Variants in DCHS1 observed in about 807,000 individuals in gnomAD.
The protein encoded by DCHS1 is protocadherin-16.
A neutral mutation model predicts 213.9 loss-of-function variants in DCHS1; 78 were observed. The ratio of observed to expected loss-of-function variants is 0.36; its 90% CI spans 0.30 to 0.44. The LOEUF is 0.44. Ranked by LOEUF, DCHS1 falls within the 20% of genes least tolerant of loss-of-function variation. DCHS1 has a pLI of 1.00. For missense variants in DCHS1, 3,946 were observed against 4,395.9 expected (o/e 0.90, Z 2.89); for synonymous variants, 1,828 against 1,873.7 (o/e 0.98, Z 0.63).
At position 6,631,936 on chromosome 11, in the gene DCHS1, G is replaced by A. The variant is rs145239157; in HGVS notation, c.3481+95C>T. On this transcript the variant is annotated intron_variant, in intron 6 of 20. Transcript: ENST00000299441. Reference sequence around the variant, plus strand: ...CAGGGCTAAATCCTCATTCTCAGGGGCGAGATGGGAGCTGGGGGTTGGGGA... The same window carrying A: ...CAGGGCTAAATCCTCATTCTCAGGGACGAGATGGGAGCTGGGGGTTGGGGA... 633 of 1,449,696 alleles carry A rather than the reference G, an allele frequency of 4.4e-4. No homozygotes were observed. In the African/African-American group the frequency reaches 7.5e-3, roughly 17 times the overall value. 89.8% of individuals were successfully genotyped at this position (1,449,696 alleles called of 1,614,324 possible).
chr11:6,622,829 C>A lies in DCHS1; in HGVS notation c.8847G>T (p.Val2949=). The A allele has an allele frequency of 6.3e-7, 1 of 1,594,844 alleles. No individual in the cohort carries two copies. The highest frequency in any genetic ancestry group is 2.3e-5 in the East Asian group (1 of 43,710). ...GGACCAGGGCTGCCAGTGCAAGCAC[C>A]ACCACAACTCCCAAGGAGGCTGCCA... The part of the protein sequence containing the change: ...GAVAASLGVV[V]VLALAALVLG... Residue 2949 remains valine, a synonymous_variant, in exon 21 of 21, where the codon GTG becomes GTT. Transcript: ENST00000299441. The surrounding 1 kb of genome is among the most constrained non-coding windows in gnomAD (Gnocchi z 5.4).
In DCHS1 at chr11:6,630,800, G is replaced by A; in HGVS notation, c.3994C>T (p.Pro1332Ser). Residue 1332 changes from proline to serine, a missense_variant, in exon 10 of 21, where the codon CCA becomes TCA. Physicochemically the swap from Pro to Ser is moderately conservative, Grantham distance 74 (BLOSUM62 -1). This residue lies in a region of DCHS1 where 3,384 missense variants were observed against 3,780.1 expected (regional missense o/e 0.90). Coordinates refer to ENST00000299441, the MANE Select transcript of DCHS1 (RefSeq NM_003737.4). Reference sequence around the variant, plus strand: ...GTCACCGTCAGCACGACAGGCACTGGTGCCGCTGGGTCCCGCTCTGCGAGA... The same window carrying A: ...GTCACCGTCAGCACGACAGGCACTGATGCCGCTGGGTCCCGCTCTGCGAGA... Reference protein sequence around the residue: ...PDLAERDPAAPVPVVLTVTAA... With the variant: ...PDLAERDPAASVPVVLTVTAA... The A allele has an allele frequency of 6.5e-7, 1 of 1,544,230 alleles. No homozygotes were observed. The highest frequency in any genetic ancestry group is 8.7e-7 in the Non-Finnish European group (1 of 1,143,948).
At chr11:6,636,013 A>G (rs999001057) in intron 2 of DCHS1, among the ~76,000 whole-genome samples, 38 of 152,154 alleles carry the variant, frequency 2.5e-4, no homozygotes, top group African/African-American at 9.2e-4. Context: ...CCCCAAAGCC[A>G]TAATAAACTT....
chr11:6,652,269 G>A (rs953807527), intron 1 of DCHS1, among the ~76,000 whole-genome samples: 2 of 152,144 alleles, frequency 1.3e-5, no homozygotes, highest in South Asian at 2.1e-4. Flanking sequence ...AGCTCCTCCC[G>A]AGAGGTCAGG....
Position 6,628,692 on chromosome 11 carries a change from TG to T in DCHS1, c.5299del (p.Gln1767ArgfsTer24). The T allele has an allele frequency of 6.2e-7, 1 of 1,614,020 alleles. No homozygotes were observed. Among genetic ancestry groups the T allele is most frequent in the Non-Finnish European group, 8.5e-7 (1 of 1,179,898 alleles). Reference sequence around the variant, plus strand: ...AGAGGCCCGAAGCATGGTAAGGGTCTGGGGGTCCTGGCCCTCAGGCACCTCC... The same window carrying T: ...AGAGGCCCGAAGCATGGTAAGGGTCTGGGGTCCTGGCCCTCAGGCACCTCC... ...SLEVPEGQDP[Q>X]TLTMLRASDP... On this transcript the variant is annotated frameshift_variant, in exon 13 of 21. Transcript: ENST00000299441. LOFTEE classifies it high-confidence loss of function. The surrounding 1 kb of genome is among the most constrained non-coding windows in gnomAD (Gnocchi z 4.3).
chr11:6,636,807 T>G (rs546504925), intron 2 of DCHS1, among the ~76,000 whole-genome samples: 7 of 152,304 alleles, frequency 4.6e-5, no homozygotes, highest in African/African-American at 1.7e-4. Flanking sequence ...CTCAGGGCCT[T>G]GCCTTTTACT....
In DCHS1 at chr11:6,632,500, G is replaced by A. The variant is rs1458259636; in HGVS notation, c.3012C>T (p.Thr1004=). 1.9e-6 allele frequency: 3 copies of A among 1,563,836 alleles called. No individual in the cohort carries two copies. The highest frequency in any genetic ancestry group is 2.6e-6 in the Non-Finnish European group (3 of 1,153,284). Residue 1004 remains threonine (T), a synonymous_variant, in exon 6 of 21, where the codon ACC becomes ACT. Transcript: ENST00000299441. This position sits in a 1 kb window ranked among gnomAD's most constrained non-coding sequence, Gnocchi z 5.9. ...RGLAPRFNSP[T]YRVDLPSGTT... is the part of the protein sequence containing the mutation. The stretch of plus-strand genomic sequence containing the variant: ...TGCCTGAGGGCAGGTCCACACGGTA[G>A]GTAGGGCTGTTGAATCGGGGAGCCA...
At position 6,626,650 on chromosome 11, in the gene DCHS1, G is replaced by A; in HGVS notation, c.6266C>T (p.Ser2089Phe). The change falls in exon 15 of 21, where the codon TCC becomes TTC. Residue 2089 changes from serine (S) to phenylalanine (F), a missense_variant. By Grantham distance (155) the Ser-to-Phe change is radical. Coordinates refer to ENST00000299441, the MANE Select transcript of DCHS1 (RefSeq NM_003737.4). This position sits in a 1 kb window ranked among gnomAD's most constrained non-coding sequence, Gnocchi z 5.2. Reference sequence around the variant, plus strand: ...GCCTCCTGCATGGACGGCCCTGGGGGAGACAATAGGAGTCCCTGCAGAAAG... The same window carrying A: ...GCCTCCTGCATGGACGGCCCTGGGGAAGACAATAGGAGTCCCTGCAGAAAG... ...ENAPPGTPIV[S>F]PRAVHAGGTN... 1 of 1,613,974 alleles carries A rather than the reference G, an allele frequency of 6.2e-7. No homozygotes were observed. Among genetic ancestry groups the A allele is most frequent in the Non-Finnish European group, 8.5e-7 (1 of 1,179,888 alleles).
chr11:6,623,429 C>G lies in DCHS1; in HGVS notation c.8247G>C (p.Gly2749=), dbSNP rs778420931. The G allele has an allele frequency of 1.9e-6, 3 of 1,587,492 alleles. No individual in the cohort carries two copies. Among genetic ancestry groups the G allele is most frequent in the Non-Finnish European group, 8.6e-7 (1 of 1,166,990 alleles). Reference sequence around the variant, plus strand: ...ATGCCTCACGGCCCTCAGGTCCTGGCCCAGCCTCCAACAGGCTGTAACGGA... The same window carrying G: ...ATGCCTCACGGCCCTCAGGTCCTGGGCCAGCCTCCAACAGGCTGTAACGGA... ...GRLRYSLLEA[G]PGPEGREAFA... is the part of the protein sequence containing the mutation. Residue 2749 remains glycine, a synonymous_variant, in exon 21 of 21, where the codon GGG becomes GGC. Transcript: ENST00000299441.
Position 6,632,430 on chromosome 11 carries a change from C to A in DCHS1, c.3082G>T (p.Asp1028Tyr), listed in dbSNP as rs1398565190. ...AGGTGATAGGTGATAGGGCCCCCAT[C>A]TGGTGCTTGGGCCTGCACTTGCAGG... ...QVLQVQAQAP[D>Y]GGPITYHLAA... is the part of the protein sequence containing the mutation. The change falls in exon 6 of 21, where the codon GAT becomes TAT. Residue 1028 changes from aspartate (D) to tyrosine (Y), a missense_variant. This residue lies in a region of DCHS1 where 3,384 missense variants were observed against 3,780.1 expected (regional missense o/e 0.90). Transcript: ENST00000299441. This position sits in a 1 kb window ranked among gnomAD's most constrained non-coding sequence, Gnocchi z 5.9. The A allele has an allele frequency of 1.9e-6, 3 of 1,609,740 alleles. No individual in the cohort carries two copies. The highest frequency in any genetic ancestry group is 2.5e-6 in the Non-Finnish European group (3 of 1,177,080).
rs762468329 is a variant in DCHS1, at chr11:6,630,740, C to G, written c.4054G>C (p.Gly1352Arg). Residue 1352 changes from glycine (G) to arginine (R), a missense_variant, in exon 10 of 21, where the codon GGC becomes CGC. By Grantham distance (125) the Gly-to-Arg change is moderately radical. Transcript: ENST00000299441. ...AEGLRPGSLL[G>R]SVAAPEPAGV... Reference sequence around the variant, plus strand: ...GCGGGCTCTGGCGCTGCCACCGAGCCCAACAGAGAGCCGGGCCGCAGTCCC... The same window carrying G: ...GCGGGCTCTGGCGCTGCCACCGAGCGCAACAGAGAGCCGGGCCGCAGTCCC... 4.5e-6 allele frequency: 7 copies of G among 1,545,366 alleles called. No homozygotes were observed. Among genetic ancestry groups the G allele is most frequent in the Non-Finnish European group, 5.2e-6 (6 of 1,147,590 alleles).
intron 1 of DCHS1, among the ~76,000 whole-genome samples, chr11:6,650,312 C>T (rs72911058): frequency 0.11 from 17,441 of 152,156 alleles, 1,453 homozygotes; most frequent in East Asian, 0.31. Flanking sequence ...GCCCTTTCAC[C>T]AGGAGACACA....
In DCHS1 at chr11:6,630,255, C is replaced by T; in HGVS notation, c.4539G>A (p.Val1513=). The change falls in exon 10 of 21, where the codon GTG becomes GTA. Residue 1513 remains valine, a synonymous_variant. Transcript: ENST00000299441. ...CGTTGGCGGGCCGGTCGGTGGCTTC[C>T]ACCAGCAGCAGCAGCGCGGGAGTGG... ...RETTPALLLL[V]EATDRPANAS... 6.5e-7 allele frequency: 1 copy of T among 1,543,656 alleles called. No individual in the cohort carries two copies. The highest frequency in any genetic ancestry group is 8.7e-7 in the Non-Finnish European group (1 of 1,148,072).
At position 6,633,689 on chromosome 11, in the gene DCHS1, A is replaced by C. The variant is rs780357062; in HGVS notation, c.2219-41T>G. 7 of 1,609,774 alleles carry C rather than the reference A, an allele frequency of 4.3e-6. No individual in the cohort carries two copies. The South Asian group carries it at 7.7e-5, about 18-fold the overall frequency. ...GAAGCAGAGATATATAAGGAAACAT[A>C]ATAGGGCTAGAAAGGTTATGGAGGA... On this transcript the variant is annotated intron_variant, in intron 4 of 20. Coordinates refer to ENST00000299441, the MANE Select transcript of DCHS1 (RefSeq NM_003737.4).
rs764290342 is a variant in DCHS1, at chr11:6,625,698, C to T, written c.6761G>A (p.Ser2254Asn). Reference protein sequence around the residue: ...RLVLMATDRGSPALVGSATLT... With the variant: ...RLVLMATDRGNPALVGSATLT... ...GGTAGCTGAGCCCACCAGGGCTGGGCTCCCTCTGTCTGTGGCCATCAGCAC... is the reference window on the plus strand; with the variant it reads ...GGTAGCTGAGCCCACCAGGGCTGGGTTCCCTCTGTCTGTGGCCATCAGCAC... The change falls in exon 18 of 21, where the codon AGC becomes AAC. Residue 2254 changes from serine to asparagine, a missense_variant. Coordinates refer to ENST00000299441, the MANE Select transcript of DCHS1 (RefSeq NM_003737.4). This position sits in a 1 kb window ranked among gnomAD's most constrained non-coding sequence, Gnocchi z 5.3. The T allele has an allele frequency of 2.2e-5, 35 of 1,609,294 alleles. No homozygotes were observed. The highest frequency in any genetic ancestry group is 3.0e-5 in the Non-Finnish European group (35 of 1,178,166).
At chr11:6,639,732 T>C in intron 2 of DCHS1, 85 bp downstream of exon 2, 3 of 1,195,312 alleles carry the variant, frequency 2.5e-6, no homozygotes, top group East Asian at 2.4e-5. Flanking sequence ...ACAGATGACC[T>C]TGTAAGGCTT....
intron 1 of DCHS1, among the ~76,000 whole-genome samples, chr11:6,644,421 C>T (rs540010660): frequency 1.3e-5 from 2 of 152,352 alleles, no homozygotes; most frequent in Non-Finnish European, 2.9e-5. Flanking sequence ...TAACTCCTCA[C>T]CTTGTATTTG....
rs140289438 is a variant in DCHS1 at position 6,631,837 on chromosome 11, C to T, written c.3482-28G>A. 26 of 1,505,582 alleles carry T rather than the reference C, an allele frequency of 1.7e-5. No homozygotes were observed. In the East Asian group the frequency reaches 2.5e-4, roughly 15 times the overall value. The allele number at this position is 1,505,582 out of a possible 1,614,324, so 93.3% of individuals were successfully genotyped here. The stretch of plus-strand genomic sequence containing the variant: ...GGGAGTGCAAGAAGGCGATCATGTA[C>T]GAGATGTTTAAGGATGCAGAGCCTG... On this transcript the variant is annotated intron_variant, in intron 6 of 20. Transcript: ENST00000299441.
chr11:6,642,242 C>T (rs1039853353), intron 1 of DCHS1, among the ~76,000 whole-genome samples: 2 of 152,164 alleles, frequency 1.3e-5, no homozygotes, highest in Non-Finnish European at 2.9e-5. Flanking sequence ...TACTTCCCTA[C>T]TCCTCTCTCC....
Sources: allele counts gnomAD v4.1 joint callset (sites outside exome capture counted in the v4.1 genomes callset), GRCh38; gene constraint gnomAD v4.1.1; regional missense constraint gnomAD v4.1.1; non-coding constraint Gnocchi (gnomAD v3.1); transcripts MANE v1.5; gene names NCBI Gene and HGNC (gene_info 2026-07-23, HGNC 2026-07-21).